The following FHIT variants were observed in gnomAD, a reference collection of about 807,000 sequenced individuals.
The protein encoded by FHIT is fragile histidine triad diadenosine triphosphatase.
In FHIT, 19 loss-of-function variants were observed where a neutral mutation model predicts 17.9. That is an observed-to-expected ratio of 1.06 (90% CI 0.74 to 1.56). The LOEUF (loss-of-function observed/expected upper bound fraction) is 1.56. Ranked by LOEUF, FHIT falls within the 40% of genes most tolerant of loss-of-function variation. The pLI is 0.00. For missense variants in FHIT, 248 were observed against 189.2 expected, an observed-to-expected ratio of 1.31 and a Z score of -1.82; for synonymous variants, 81 against 69.7, an observed-to-expected ratio of 1.16 and a Z score of -0.81.
chr3:60,655,132 A>G (rs1040462111), intron 4 of FHIT, among the ~76,000 whole-genome samples: 2 of 152,244 alleles, frequency 1.3e-5, no homozygotes, highest in Admixed American at 6.5e-5. Context: ...GAAGAAAATC[A>G]GTAGATAACA....
At chr3:61,010,297 T>C (rs780688209) in intron 3 of FHIT, among the ~76,000 whole-genome samples, 2 of 152,214 alleles carry the variant, frequency 1.3e-5, no homozygotes, top group African/African-American at 2.4e-5. Context: ...TTAACTCAAC[T>C]GATCCAATAT....
At chr3:59,792,420 C>T (rs549366811) in intron 8 of FHIT, among the ~76,000 whole-genome samples, 4 of 152,260 alleles carry the variant, frequency 2.6e-5, no homozygotes, top group African/African-American at 7.2e-5. Flanking sequence ...TACACCCTCA[C>T]TGTGATCTGA....
chr3:59,927,570 A>C (rs1705732724), intron 7 of FHIT, among the ~76,000 whole-genome samples: 1 of 152,070 alleles, frequency 6.6e-6, no homozygotes, highest in Non-Finnish European at 1.5e-5. Context: ...GTTCGAGACC[A>C]GTCTGACCAA....
At chr3:60,572,901 G>T (rs1480110842) in intron 4 of FHIT, among the ~76,000 whole-genome samples, 1 of 152,128 alleles carries the variant, frequency 6.6e-6, no homozygotes, top group East Asian at 1.9e-4. Flanking sequence ...CCTGTACTGA[G>T]GCAACATGCT....
chr3:60,972,210 G>C (rs1370763766), intron 3 of FHIT, among the ~76,000 whole-genome samples: 1 of 152,098 alleles, frequency 6.6e-6, no homozygotes, highest in East Asian at 1.9e-4. Context: ...TCATTTACAT[G>C]ATTTCAACTG....
At chr3:60,886,748 G>T (rs1432610312) in intron 3 of FHIT, among the ~76,000 whole-genome samples, 2 of 152,064 alleles carry the variant, frequency 1.3e-5, no homozygotes, top group Non-Finnish European at 2.9e-5. Flanking sequence ...GATCTTCCTG[G>T]TTAGGTCAGG....
intron 8 of FHIT, among the ~76,000 whole-genome samples, chr3:59,779,436 C>T (rs1702473045): frequency 6.6e-6 from 1 of 152,094 alleles, no homozygotes. Context: ...TCCAGGGAGC[C>T]TTCAATTAGA....
intron 7 of FHIT, among the ~76,000 whole-genome samples, chr3:59,948,747 T>C (rs1706962664): frequency 6.6e-6 from 1 of 152,156 alleles, no homozygotes; most frequent in Admixed American, 6.6e-5. Context: ...TTTCATGTGC[T>C]ACGTGCCACC....
intron 7 of FHIT, among the ~76,000 whole-genome samples, chr3:59,955,047 A>G (rs558132048): frequency 5.3e-5 from 8 of 152,280 alleles, no homozygotes; most frequent in South Asian, 2.1e-4. Flanking sequence ...TCCACTTACA[A>G]CTGTGTGGCT....
At chr3:59,931,299 C>T (rs1255621606) in intron 7 of FHIT, among the ~76,000 whole-genome samples, 1 of 152,196 alleles carries the variant, frequency 6.6e-6, no homozygotes, top group Non-Finnish European at 1.5e-5. Context: ...GTGTGTTCTA[C>T]ATGGCTGGAT....
At chr3:60,720,216 T>A (rs1378354895) in intron 4 of FHIT, among the ~76,000 whole-genome samples, 3 of 152,146 alleles carry the variant, frequency 2.0e-5, no homozygotes, top group Non-Finnish European at 2.9e-5. Context: ...ACCATCCTCC[T>A]GGTCATCAGT....
chr3:60,328,976 C>T (rs1341655472), intron 5 of FHIT, among the ~76,000 whole-genome samples: 2 of 152,156 alleles, frequency 1.3e-5, no homozygotes, highest in Admixed American at 6.5e-5. Context: ...TAGAAGAATC[C>T]ATCCATTATC....
chr3:61,079,028 C>T (rs2035052330), intron 2 of FHIT, among the ~76,000 whole-genome samples: 3 of 152,206 alleles, frequency 2.0e-5, no homozygotes, highest in East Asian at 1.9e-4. Flanking sequence ...TCACATTCAA[C>T]TTTTTAAGTT....
intron 2 of FHIT, among the ~76,000 whole-genome samples, chr3:61,188,184 G>A (rs1325278806): frequency 6.6e-6 from 1 of 152,080 alleles, no homozygotes; most frequent in African/African-American, 2.4e-5. Flanking sequence ...TAGACCGCTA[G>A]CAAGACTAAT....
At chr3:60,574,215 A>T (rs2037488189) in intron 4 of FHIT, among the ~76,000 whole-genome samples, 1 of 152,088 alleles carries the variant, frequency 6.6e-6, no homozygotes, top group Non-Finnish European at 1.5e-5. Flanking sequence ...TTTTCAAGAC[A>T]CTGTGAGCCC....
At chr3:60,291,489 A>G (rs1707981221) in intron 5 of FHIT, among the ~76,000 whole-genome samples, 1 of 151,876 alleles carries the variant, frequency 6.6e-6, no homozygotes, top group Non-Finnish European at 1.5e-5. Context: ...TCCATGTCGG[A>G]CATGCCTGGG....
chr3:59,919,085 C>A (rs9825594), intron 8 of FHIT, among the ~76,000 whole-genome samples: 78,944 of 151,998 alleles, frequency 0.52, 20,694 homozygotes, highest in African/African-American at 0.58. Flanking sequence ...CAATACTGAT[C>A]ACAAAAAACC....
intron 5 of FHIT, among the ~76,000 whole-genome samples, chr3:60,278,824 C>T (rs11130762): frequency 6.6e-6 from 1 of 151,798 alleles, no homozygotes; most frequent in Non-Finnish European, 1.5e-5. Flanking sequence ...AAACTTTAAA[C>T]TATTTTAAAC....
At chr3:60,589,167 CT>C (rs201102543) in intron 4 of FHIT, among the ~76,000 whole-genome samples, 1,619 of 152,026 alleles carry the variant, frequency 0.011, 27 homozygotes, top group African/African-American at 0.037. Context: ...TCAAATTAAC[CT>C]TTTTATATAG....
Sources: allele counts gnomAD v4.1 joint callset (sites outside exome capture counted in the v4.1 genomes callset), GRCh38; gene constraint gnomAD v4.1.1; transcripts MANE v1.5; gene names NCBI Gene and HGNC (gene_info 2026-07-23, HGNC 2026-07-21).